TEKTL1: variants seen among roughly 807,000 people sequenced by gnomAD.
TEKTL1 encodes tektin-like protein 1.
the TEKTL1 span, among the ~76,000 whole-genome samples, chr19:15,014,138 C>T: frequency 2.0e-5 from 3 of 152,180 alleles, no homozygotes; most frequent in Non-Finnish European, 2.9e-5. Context: ...GTGGTTTCAG[C>T]CCAAGTGACT....
At chr19:15,017,018 T>C in the TEKTL1 span, among the ~76,000 whole-genome samples, 1 of 152,092 alleles carries the variant, frequency 6.6e-6, no homozygotes, top group Non-Finnish European at 1.5e-5. Flanking sequence ...GCCAGGAATT[T>C]GAGGCCAGCT....
the TEKTL1 span, among the ~76,000 whole-genome samples, chr19:15,015,820 G>T: frequency 1.3e-5 from 2 of 152,100 alleles, no homozygotes; most frequent in Admixed American, 1.3e-4. Flanking sequence ...ACTTAGCAAG[G>T]TTAAAATAGA....
the TEKTL1 span, chr19:15,021,388 T>A: frequency 1.2e-6 from 2 of 1,614,254 alleles, no homozygotes. Context: ...CAAGCGGTTG[T>A]TGGTCGAGTC....
the TEKTL1 span, among the ~76,000 whole-genome samples, chr19:15,018,284 G>C: frequency 6.6e-6 from 1 of 152,176 alleles, no homozygotes; most frequent in Non-Finnish European, 1.5e-5. Context: ...AACCCGGGAG[G>C]CAGAGGTTTC....
the TEKTL1 span, chr19:15,020,394 A>C: frequency 7.3e-7 from 1 of 1,367,162 alleles, no homozygotes. Context: ...CAGCAGAGAA[A>C]TCACTTGCAT....
chr19:15,011,754 A>T, the TEKTL1 span, among the ~76,000 whole-genome samples: 4 of 143,906 alleles, frequency 2.8e-5, no homozygotes, highest in East Asian at 2.0e-4. Flanking sequence ...AAAAAAAAAT[A>T]TTTCCATAGA....
At chr19:15,021,754 G>A in the TEKTL1 span, 2 of 1,612,012 alleles carry the variant, frequency 1.2e-6, no homozygotes, top group East Asian at 2.2e-5. Context: ...AGGCAGGGGT[G>A]CCGGTGGCTG....
At chr19:15,022,076 A>G in the TEKTL1 span, among the ~76,000 whole-genome samples, 1 of 152,110 alleles carries the variant, frequency 6.6e-6, no homozygotes, top group Non-Finnish European at 1.5e-5. Context: ...TTCACTGGGT[A>G]CTGAAGTGGG....
chr19:15,021,656 T>C, the TEKTL1 span: 1 of 1,614,048 alleles, frequency 6.2e-7, no homozygotes, highest in Non-Finnish European at 8.5e-7. Context: ...AGGGGAACTA[T>C]CCTCCGGTGT....
At chr19:15,017,518 G>C in the TEKTL1 span, among the ~76,000 whole-genome samples, 1,601 of 152,198 alleles carry the variant, frequency 0.011, 36 homozygotes, top group African/African-American at 0.037. Flanking sequence ...CTGGTGGGAG[G>C]GGGGAACTCA....
chr19:15,014,737 G>A, the TEKTL1 span, among the ~76,000 whole-genome samples: 1 of 114,802 alleles, frequency 8.7e-6, no homozygotes, highest in Non-Finnish European at 1.8e-5. Flanking sequence ...GGGGCGGGGG[G>A]CGGGGGCTGC....
the TEKTL1 span, among the ~76,000 whole-genome samples, chr19:15,022,213 G>A: frequency 1.3e-5 from 2 of 152,118 alleles, no homozygotes; most frequent in Non-Finnish European, 2.9e-5. Flanking sequence ...TGAGGAGCAC[G>A]TCAGCACCCA....
chr19:15,023,194 G>T, the TEKTL1 span: 6 of 1,356,284 alleles, frequency 4.4e-6, no homozygotes, highest in East Asian at 1.5e-4. Context: ...ACAGCCCCAT[G>T]GCCCTCCCTC....
At chr19:15,020,324 G>T in the TEKTL1 span, 6 of 655,098 alleles carry the variant, frequency 9.2e-6, no homozygotes, top group Non-Finnish European at 1.5e-5. Flanking sequence ...AAAAAAAAAT[G>T]AGAGTGTCAG....
the TEKTL1 span, chr19:15,011,286 T>C: frequency 3.3e-6 from 5 of 1,522,934 alleles, no homozygotes; most frequent in East Asian, 1.3e-4. Flanking sequence ...GTGCGACAGC[T>C]GCTGCGCCAG....
At chr19:15,023,167 G>A in the TEKTL1 span, 65 of 1,508,642 alleles carry the variant, frequency 4.3e-5, no homozygotes, top group Non-Finnish European at 5.6e-5. Flanking sequence ...TGCTGGCTGG[G>A]ACCTCGGAGA....
the TEKTL1 span, chr19:15,011,018 G>A: frequency 1.9e-6 from 3 of 1,583,370 alleles, no homozygotes; most frequent in South Asian, 1.1e-5. Flanking sequence ...CCTCGGCCGC[G>A]CCGCCTACAT....
the TEKTL1 span, among the ~76,000 whole-genome samples, chr19:15,020,258 T>C: frequency 1.3e-5 from 2 of 150,094 alleles, no homozygotes; most frequent in Non-Finnish European, 2.9e-5. Flanking sequence ...TAGAGAGCTA[T>C]GGTGGCACCA....
chr19:15,012,935 C>A, the TEKTL1 span, among the ~76,000 whole-genome samples: 395 of 150,408 alleles, frequency 2.6e-3, 2 homozygotes, highest in African/African-American at 8.7e-3. Context: ...AACTCCCCCC[C>A]AGAATGTTAA....
Sources: allele counts gnomAD v4.1 joint callset (sites outside exome capture counted in the v4.1 genomes callset), GRCh38; gene constraint gnomAD v4.1.1; transcripts MANE v1.5; gene names NCBI Gene and HGNC (gene_info 2026-07-23, HGNC 2026-07-21).